Variants in P3H2 observed in about 807,000 individuals in gnomAD.
P3H2 encodes prolyl 3-hydroxylase 2.
In P3H2, 80 loss-of-function variants were observed where a neutral mutation model predicts 87.0. The observed-to-expected ratio is 0.92, with a 90% CI of 0.77 to 1.11. The LOEUF is 1.11. Among genes scored for constraint, P3H2 ranks in the 50% least tolerant of loss-of-function variants. The pLI is 0.00. For missense variants in P3H2, 1,001 were observed against 923.9 expected (o/e 1.08, Z -1.08); for synonymous variants, 367 against 359.3 (o/e 1.02, Z -0.24).
chr3:190,049,472 C>G (rs1020728408), intron 1 of P3H2, among the ~76,000 whole-genome samples: 1 of 152,148 alleles, frequency 6.6e-6, no homozygotes, highest in African/African-American at 2.4e-5. Context: ...GAGCTTTAGC[C>G]TTATTCTCAG....
At position 190,072,315 on chromosome 3, in the gene P3H2, C is replaced by G. The variant is rs187516872; in HGVS notation, c.480+47937G>C. 8.5e-5 allele frequency among the ~76,000 whole-genome samples: 13 copies of G among 152,236 alleles called. 1 individual carries two copies. The highest frequency in any genetic ancestry group is 1.9e-4 in the African/African-American group (8 of 41,536). On this transcript the variant is annotated intron_variant, in intron 1 of 14. Transcript: ENST00000319332. ...GTACTGGAATTACAGGCATGAGCCA[C>G]CATGCCCGGTCAAGATGAAGTTTTA... is the stretch of plus-strand genomic sequence containing the variant.
upstream of P3H2, chr3:190,120,986 C>T: frequency 2.0e-6 from 1 of 507,178 alleles, no homozygotes; most frequent in Non-Finnish European, 3.3e-6. Context: ...GCCGCTCTCC[C>T]AGGCTCCCCG....
At chr3:190,019,786 AT>A (rs1292154596) in intron 1 of P3H2, among the ~76,000 whole-genome samples, 2,387 of 36,684 alleles carry the variant, frequency 0.065, 334 homozygotes, top group African/African-American at 0.15. Context: ...AAATTAAAAA[AT>A]ATATATATAT....
intron 1 of P3H2, among the ~76,000 whole-genome samples, chr3:190,033,429 A>G (rs937534572): frequency 6.6e-6 from 1 of 152,258 alleles, no homozygotes; most frequent in Non-Finnish European, 1.5e-5. Context: ...AAAATAAAAT[A>G]TCTAGAACCA....
At chr3:190,075,130 C>T (rs1423013847) in intron 1 of P3H2, among the ~76,000 whole-genome samples, 1 of 152,194 alleles carries the variant, frequency 6.6e-6, no homozygotes, top group Non-Finnish European at 1.5e-5. Context: ...TCAAGGAGTT[C>T]ATAGTCTAGT....
chr3:190,046,592 T>A (rs2594175), intron 1 of P3H2, among the ~76,000 whole-genome samples: 123,267 of 152,044 alleles, frequency 0.81, 50,125 homozygotes, highest in East Asian at 0.88. Flanking sequence ...TAGTAGCCAG[T>A]AACATTAAAA....
intron 1 of P3H2, among the ~76,000 whole-genome samples, chr3:190,094,486 G>A (rs551780255): frequency 6.6e-6 from 1 of 152,226 alleles, no homozygotes; most frequent in South Asian, 2.1e-4. Flanking sequence ...ACCAAATTTA[G>A]CAGCCAAGTA....
intron 1 of P3H2, among the ~76,000 whole-genome samples, chr3:190,092,645 G>C (rs1452650083): frequency 2.0e-5 from 3 of 152,130 alleles, no homozygotes; most frequent in Non-Finnish European, 2.9e-5. Context: ...CGGGAAGCTG[G>C]GATCTGAACT....
chr3:189,989,621 T>C (rs1303787815), intron 3 of P3H2, among the ~76,000 whole-genome samples: 1 of 152,198 alleles, frequency 6.6e-6, no homozygotes, highest in African/African-American at 2.4e-5. Context: ...CAGAAACCTA[T>C]TCTATCCAGT....
chr3:189,967,890 T>C (rs1723050036), intron 13 of P3H2, among the ~76,000 whole-genome samples: 1 of 152,196 alleles, frequency 6.6e-6, no homozygotes, highest in African/African-American at 2.4e-5. Context: ...CAGTACTGTG[T>C]GATGAATAAC....
At chr3:189,973,865 G>C (rs1723260719) in intron 10 of P3H2, 44 bp downstream of exon 10, 1 of 1,405,358 alleles carries the variant, frequency 7.1e-7, no homozygotes, top group African/African-American at 1.4e-5. Context: ...GAAGCCTTAG[G>C]CTGACACTAA....
chr3:189,985,701 T>A (rs1222116973), intron 6 of P3H2, among the ~76,000 whole-genome samples: 1 of 151,538 alleles, frequency 6.6e-6, no homozygotes, highest in Non-Finnish European at 1.5e-5. Context: ...TATCCTTTGA[T>A]GACAGAATAA....
chr3:189,960,549 C>T (rs1722781058), intron 14 of P3H2, among the ~76,000 whole-genome samples: 1 of 152,196 alleles, frequency 6.6e-6, no homozygotes, highest in Admixed American at 6.5e-5. Flanking sequence ...ATGCCATCTC[C>T]TCAAAGAAGC....
Position 189,964,131 on chromosome 3 carries a change from T to G in P3H2, c.1894-33A>C. ...AGAAAGCAAAAATTAGACTTTCAAT[T>G]GTTGTATCATAAACATTTCCACAAC... On this transcript the variant is annotated intron_variant, in intron 13 of 14. Transcript: ENST00000319332. 4 of 1,600,516 alleles carry G rather than the reference T, an allele frequency of 2.5e-6. No individual in the cohort carries two copies. In the South Asian group the frequency reaches 3.3e-5, roughly 13 times the overall value.
At chr3:190,052,468 T>C (rs1318645083) in intron 1 of P3H2, among the ~76,000 whole-genome samples, 2 of 152,172 alleles carry the variant, frequency 1.3e-5, no homozygotes, top group East Asian at 3.8e-4. Context: ...TTTTAAAATA[T>C]GTTTTAAAAG....
At chr3:190,031,003 T>C (rs901126323) in intron 1 of P3H2, among the ~76,000 whole-genome samples, 1 of 152,212 alleles carries the variant, frequency 6.6e-6, no homozygotes, top group African/African-American at 2.4e-5. Context: ...TTTCAAGTTA[T>C]ATATTTTTTT....
chr3:190,054,350 C>A (rs1363241033), intron 1 of P3H2, among the ~76,000 whole-genome samples: 2 of 152,082 alleles, frequency 1.3e-5, no homozygotes, highest in Admixed American at 1.3e-4. Context: ...AAGCCATCAG[C>A]CACGACACAG....
intron 1 of P3H2, among the ~76,000 whole-genome samples, chr3:190,027,596 T>C (rs1392904150): frequency 6.6e-6 from 1 of 151,808 alleles, no homozygotes; most frequent in Non-Finnish European, 1.5e-5. Context: ...TAGATATAGG[T>C]TGGTGCAAAA....
intron 1 of P3H2, among the ~76,000 whole-genome samples, chr3:190,101,941 C>G (rs1051469666): frequency 1.3e-5 from 2 of 152,178 alleles, no homozygotes; most frequent in African/African-American, 4.8e-5. Flanking sequence ...TACCATCCCC[C>G]AAATCCTAGG....
Sources: gnomAD v4.1 joint callset for allele counts (sites outside exome capture counted in the v4.1 genomes callset) on GRCh38, gnomAD v4.1.1 for gene constraint, MANE v1.5 for transcripts, NCBI Gene and HGNC (gene_info 2026-07-23, HGNC 2026-07-21) for gene names.